TTN: variants seen among roughly 807,000 people sequenced by gnomAD.
The protein encoded by TTN is connectin.
Under a neutral mutation model 3,223.0 loss-of-function variants are expected in TTN, and 1,525 were observed. The observed-to-expected ratio is 0.47, with a 90% CI of 0.45 to 0.49. The LOEUF is 0.49. Among genes scored for constraint, TTN ranks in the 20% least tolerant of loss-of-function variants. The pLI is 0.00. For missense variants in TTN, 40,786 were observed against 43,424.0 expected, an observed-to-expected ratio of 0.94 and a Z score of 5.40; for synonymous variants, 14,094 against 15,161.0, an observed-to-expected ratio of 0.93 and a Z score of 5.17.
intron 121 of TTN, 63 bp from the exon 122 acceptor site, chr2:178,689,959 C>G: frequency 7.3e-7 from 1 of 1,372,242 alleles, no homozygotes; most frequent in Non-Finnish European, 1.0e-6. Flanking sequence ...AGAACATAGG[C>G]ACATGCACAA....
In TTN at chr2:178,562,616, C is replaced by A. The variant is rs376820301; in HGVS notation, c.83516G>T (p.Arg27839Leu). 2 of 1,610,020 alleles carry A rather than the reference C, an allele frequency of 1.2e-6. No homozygotes were observed. Among genetic ancestry groups the A allele is most frequent in the African/African-American group, 2.7e-5 (2 of 74,708 alleles). Residue 27839 changes from arginine (R) to leucine (L), a missense_variant, in exon 326 of 363, where the codon CGA becomes CTA. Transcript: ENST00000589042. Reference protein sequence around the residue: ...NLQEGCSYYFRVLASNEYGIG... With the variant: ...NLQEGCSYYFLVLASNEYGIG... The stretch of plus-strand genomic sequence containing the variant: ...CCCATATTCATTGGAAGCCAAGACT[C>A]GGAAGTAGTAAGAACATCCTTCTTG...
In TTN at chr2:178,727,819, G is replaced by T; in HGVS notation, c.19759C>A (p.Pro6587Thr). 1 of 1,608,452 alleles carries T rather than the reference G, an allele frequency of 6.2e-7. No individual in the cohort carries two copies. The highest frequency in any genetic ancestry group is 8.5e-7 in the Non-Finnish European group (1 of 1,177,090). The change falls in exon 68 of 363, where the codon CCT becomes ACT. Residue 6587 changes from proline (P) to threonine (T), a missense_variant. By Grantham distance (38) the Pro-to-Thr change is conservative. Transcript: ENST00000589042. Reference protein sequence around the residue: ...LVKPGRQQAIPDSTVEFKAIL... With the variant: ...LVKPGRQQAITDSTVEFKAIL... Reference sequence around the variant, plus strand: ...GCCTTAAATTCCACTGTAGAATCAGGTATGGCTTGCTGTCGCCCAGGTTTC... The same window carrying T: ...GCCTTAAATTCCACTGTAGAATCAGTTATGGCTTGCTGTCGCCCAGGTTTC...
intron 99 of TTN, 144 bp downstream of exon 99, chr2:178,709,422 T>C: frequency 1.3e-6 from 1 of 788,232 alleles, no homozygotes; most frequent in East Asian, 2.9e-5. Flanking sequence ...TTAGTAAACA[T>C]ATGGAGTGAT....
In TTN at chr2:178,733,252, T is replaced by C. The variant is rs879096918; in HGVS notation, c.16041A>G (p.Thr5347=). The C allele has an allele frequency of 6.2e-7, 1 of 1,601,930 alleles. No homozygotes were observed. Among genetic ancestry groups the C allele is most frequent in the Admixed American group, 1.7e-5 (1 of 59,346 alleles). The part of the protein sequence containing the change: ...NEVGSSSCET[T]FTVLDRDIAP... ...AAAAATACTAACCTAATACAGTGAA[T>C]GTAGTCTCACAGGAGCTGCTGCCCA... Residue 5347 remains threonine, a synonymous_variant, in exon 54 of 363, where the codon ACA becomes ACG. Coordinates refer to ENST00000589042, the MANE Select transcript of TTN (RefSeq NM_001267550.2).
At chr2:178,588,455 T>C in intron 304 of TTN, 83 bp downstream of exon 304, 1 of 1,406,354 alleles carries the variant, frequency 7.1e-7, no homozygotes, top group Non-Finnish European at 9.5e-7. Flanking sequence ...CAGATTTAGA[T>C]GTTACATTAA....
chr2:178,746,751 A>G (rs2083685372), intron 47 of TTN: 1 of 1,613,384 alleles, frequency 6.2e-7, no homozygotes, highest in Non-Finnish European at 8.5e-7. Flanking sequence ...TTATTTCGAT[A>G]CCATTTCACA....
At position 178,670,991 on chromosome 2, in the gene TTN, A is replaced by G. The variant is rs2066864054; in HGVS notation, c.35308+99T>C. On this transcript the variant is annotated intron_variant, in intron 156 of 362. Transcript: ENST00000589042. ...TAGACATGTCAGAAACAAGAAATAC[A>G]GAAGAAAGACATCAAGTGGAATGCA... 5 of 847,332 alleles carry G rather than the reference A, an allele frequency of 5.9e-6. No individual in the cohort carries two copies. The Admixed American group carries it at 9.6e-5, about 16-fold the overall frequency. 52.5% of individuals were successfully genotyped at this position (847,332 alleles called of 1,614,324 possible). A position where few individuals can be genotyped will look rare whatever the true frequency, so the allele number is the denominator to read the frequency against.
Position 178,634,756 on chromosome 2 carries a change from T to A in TTN, c.42118A>T (p.Asn14040Tyr), listed in dbSNP as rs2154228320. ...GTCAAAATGGCAGTTGTAATTGCATTAAGGGCCTGGTAGAGGACTTCACCA... is the reference window on the plus strand; with the variant it reads ...GTCAAAATGGCAGTTGTAATTGCATAAAGGGCCTGGTAGAGGACTTCACCA... Reference protein sequence around the residue: ...QAGEVLYQALNAITTAILTVK... With the variant: ...QAGEVLYQALYAITTAILTVK... Residue 14040 changes from asparagine (N) to tyrosine (Y), a missense_variant, in exon 229 of 363, where the codon AAT becomes TAT. Coordinates refer to ENST00000589042, the MANE Select transcript of TTN (RefSeq NM_001267550.2). This position sits in a 1 kb window ranked among gnomAD's most constrained non-coding sequence, Gnocchi z 4.6. The A allele has an allele frequency of 6.2e-7, 1 of 1,613,184 alleles. No homozygotes were observed. The highest frequency in any genetic ancestry group is 1.1e-5 in the South Asian group (1 of 91,018).
rs566765001 is a variant in TTN at position 178,566,446 on chromosome 2, T to G, written c.79686A>C (p.Arg26562=). Residue 26562 remains arginine, a synonymous_variant, in exon 326 of 363, where the codon CGA becomes CGC. Transcript: ENST00000589042. ...KLTEHQEYKI[R]VCALNKVGLG... is the part of the protein sequence containing the mutation. ...AACCAACTTTGTTGAGGGCACAGACTCGTATTTTATACTCTTGGTGTTCAG... is the reference window on the plus strand; with the variant it reads ...AACCAACTTTGTTGAGGGCACAGACGCGTATTTTATACTCTTGGTGTTCAG... 2.5e-6 allele frequency: 4 copies of G among 1,613,504 alleles called. No homozygotes were observed. In the Admixed American group the frequency reaches 6.7e-5, roughly 27 times the overall value.
At chr2:178,765,475 G>A (rs953289322) in intron 41 of TTN, among the ~76,000 whole-genome samples, 1 of 152,134 alleles carries the variant, frequency 6.6e-6, no homozygotes, top group Non-Finnish European at 1.5e-5. Flanking sequence ...TGTGAGGCTG[G>A]TTTCTGACAC....
In TTN at chr2:178,561,188, GTTAC is replaced by G; in HGVS notation, c.84940_84943del (p.Val28314LeufsTer33). ...ATAACGCTGATCTTCAGTAAGTTCA[GTTAC>G]TTCAAAGTATGTTTCTTGTATATTA... On this transcript the variant is annotated frameshift_variant, in exon 326 of 363. Transcript: ENST00000589042. LOFTEE classifies it high-confidence loss of function. The G allele has an allele frequency of 6.2e-7, 1 of 1,613,576 alleles. No homozygotes were observed. Among genetic ancestry groups the G allele is most frequent in the Non-Finnish European group, 8.5e-7 (1 of 1,179,800 alleles).
chr2:178,688,036 G>T, intron 127 of TTN, 75 bp downstream of exon 127: 2 of 1,208,560 alleles, frequency 1.7e-6, no homozygotes, highest in Non-Finnish European at 2.4e-6. Flanking sequence ...TCTTTTCATT[G>T]GTCTGTAGAC....
In TTN at chr2:178,591,682, T is replaced by A. The variant is rs1290494704; in HGVS notation, c.60137A>T (p.Tyr20046Phe). 1 of 1,613,480 alleles carries A rather than the reference T, an allele frequency of 6.2e-7. No homozygotes were observed. The highest frequency in any genetic ancestry group is 1.7e-5 in the Admixed American group (1 of 59,978). The change falls in exon 303 of 363, where the codon TAT (tyrosine) becomes TTT (phenylalanine). Residue 20046 changes from tyrosine to phenylalanine, a missense_variant. Tyr to Phe is a conservative substitution (Grantham distance 22). Coordinates refer to ENST00000589042, the MANE Select transcript of TTN (RefSeq NM_001267550.2). The part of the protein sequence containing the change: ...VVTGLQQGKT[Y>F]RFRVKAENIV... ...GTTTTCAGCTTTTACACGGAATCTA[T>A]AGGTCTTTCCTTGTTGTAGTCCAGT...
Position 178,774,068 on chromosome 2 carries a change from AC to A in TTN, c.7099del (p.Val2367SerfsTer23). 1.2e-6 allele frequency: 2 copies of A among 1,614,060 alleles called. No individual in the cohort carries two copies. The highest frequency in any genetic ancestry group is 1.7e-6 in the Non-Finnish European group (2 of 1,179,988). On this transcript the variant is annotated frameshift_variant, in exon 31 of 363. Transcript: ENST00000589042. LOFTEE classifies it high-confidence loss of function. ...AILQGLSDQK[V>X]CEGDIVQLEV... ...AAGCTGAACAATGTCACCCTCACAG[AC>A]TTTTTGGTCACTAAGTCCTTGTAGG...
chr2:178,526,048 T>C lies in TTN; in HGVS notation c.*964A>G, dbSNP rs1686300072. The stretch of plus-strand genomic sequence containing the variant: ...TTACTATCTCAAGGAGGTCCAACAA[T>C]TATAACTAACAATTGAATTTATACT... On this transcript the variant is annotated 3_prime_UTR_variant, in exon 363 of 363. Coordinates refer to ENST00000589042, the MANE Select transcript of TTN (RefSeq NM_001267550.2). 1 of 152,654 alleles carries C rather than the reference T, an allele frequency of 6.6e-6. No homozygotes were observed. The highest frequency in any genetic ancestry group is 1.5e-5 in the Non-Finnish European group (1 of 68,042). The allele number at this position is 152,654 out of a possible 1,614,324, so 9.5% of individuals were successfully genotyped here.
intron 6 of TTN, chr2:178,798,460 C>T (rs1300160630): frequency 6.6e-6 from 1 of 152,000 alleles, no homozygotes; most frequent in Admixed American, 6.5e-5. Flanking sequence ...GCATAGAAGT[C>T]CATTTTATTT....
At chr2:178,668,624 C>T (rs541808732) in intron 159 of TTN, among the ~76,000 whole-genome samples, 298 of 150,726 alleles carry the variant, frequency 2.0e-3, no homozygotes, top group Middle Eastern at 0.014. Context: ...CCCAGCCACT[C>T]GGGAGGCTGG....
At chr2:178,667,356 T>TA in intron 161 of TTN, 37 bp from the exon 162 acceptor site, 1 of 1,571,240 alleles carries the variant, frequency 6.4e-7, no homozygotes, top group Non-Finnish European at 8.6e-7. Context: ...TTAAAAGTTG[T>TA]AAAAACAGTA....
At position 178,546,304 on chromosome 2, in the gene TTN, T is replaced by G; in HGVS notation, c.95027A>C (p.Lys31676Thr). 6.2e-7 allele frequency: 1 copy of G among 1,613,868 alleles called. No individual in the cohort carries two copies. The highest frequency in any genetic ancestry group is 8.5e-7 in the Non-Finnish European group (1 of 1,179,776). The change falls in exon 342 of 363, where the codon AAG (lysine) becomes ACG (threonine). Residue 31676 changes from lysine (K) to threonine (T), a missense_variant. Lys to Thr is a moderately conservative substitution (Grantham distance 78). Coordinates refer to ENST00000589042, the MANE Select transcript of TTN (RefSeq NM_001267550.2). ...TCCACTGTCACTTCTGTCACAGAAC[T>G]TGATCACAGCAGTTGCTCGTTTGCC... ...YTGKRATAVI[K>T]FCDRSDSGKY...
Sources: allele counts gnomAD v4.1 joint callset (sites outside exome capture counted in the v4.1 genomes callset), GRCh38; gene constraint gnomAD v4.1.1; non-coding constraint Gnocchi (gnomAD v3.1); transcripts MANE v1.5; gene names NCBI Gene and HGNC (gene_info 2026-07-23, HGNC 2026-07-21).